The following TUT7 variants were observed in gnomAD, a reference collection of about 807,000 sequenced individuals.
TUT7 encodes the protein terminal uridylyltransferase 7.
Under a neutral mutation model 165.9 loss-of-function variants are expected in TUT7, and 33 were observed. The ratio of observed to expected loss-of-function variants is 0.20; its 90% CI spans 0.15 to 0.27. The LOEUF is 0.27. Ranked by LOEUF, TUT7 falls within the 10% of genes least tolerant of loss-of-function variation. The pLI is 1.00. For missense variants in TUT7, 1,338 were observed against 1,762.3 expected (o/e 0.76, Z 4.31); for synonymous variants, 552 against 608.1 (o/e 0.91, Z 1.36).
rs1373077356 is a variant in TUT7, at chr9:86,352,821, G to T, written c.379C>A (p.Arg127=). Residue 127 remains arginine (R), a synonymous_variant, in exon 2 of 27, where the codon CGA becomes AGA. Transcript: ENST00000375963. ...KPGPRIPVIN[R]QRKDSFQENE... ...TCTTGAAAGGAGTCTTTTCTTTGTCGGTTTATAACAGGAATTCTAGGTCCA... is the reference window on the plus strand; with the variant it reads ...TCTTGAAAGGAGTCTTTTCTTTGTCTGTTTATAACAGGAATTCTAGGTCCA... The T allele has an allele frequency of 4.3e-6, 7 of 1,614,024 alleles. No individual in the cohort carries two copies. The highest frequency in any genetic ancestry group is 1.1e-5 in the South Asian group (1 of 91,074).
At chr9:86,306,055 A>T (rs58009396) in intron 22 of TUT7, among the ~76,000 whole-genome samples, 5,576 of 152,266 alleles carry the variant, frequency 0.037, 340 homozygotes, top group African/African-American at 0.13. Flanking sequence ...ACTGTTTTAT[A>T]AGTGATCTAA....
chr9:86,307,008 G>T (rs528827103), intron 22 of TUT7, among the ~76,000 whole-genome samples: 3 of 152,040 alleles, frequency 2.0e-5, no homozygotes, highest in Admixed American at 2.0e-4. Flanking sequence ...AGTGGCTCAC[G>T]CCTGTAATCC....
chr9:86,337,579 T>C lies in TUT7; in HGVS notation c.1336-41A>G, dbSNP rs746823419. On this transcript the variant is annotated intron_variant, in intron 9 of 26. Transcript: ENST00000375963. ...AAGAAAGTTAAGCATTCTTTTTGTA[T>C]GAATTTGTCATTTACACGATTTGGC... 10 of 1,577,414 alleles carry C rather than the reference T, an allele frequency of 6.3e-6. No homozygotes were observed. In the Admixed American group the frequency reaches 1.6e-4, roughly 25 times the overall value.
At chr9:86,322,238 G>C (rs901640316) in intron 14 of TUT7, 87 bp downstream of exon 14, 1 of 1,256,110 alleles carries the variant, frequency 8.0e-7, no homozygotes, top group East Asian at 2.3e-5. Flanking sequence ...ATAATGTTTA[G>C]AGACCTAAAT....
chr9:86,295,663 T>C (rs971073766), intron 26 of TUT7, among the ~76,000 whole-genome samples: 18 of 152,140 alleles, frequency 1.2e-4, no homozygotes, highest in Admixed American at 2.0e-4. Context: ...CTTATTATCA[T>C]AAAGAACACT....
chr9:86,328,253 T>C (rs1367819604), intron 11 of TUT7, 87 bp downstream of exon 11: 4 of 1,305,572 alleles, frequency 3.1e-6, no homozygotes, highest in South Asian at 4.7e-5. Flanking sequence ...ATAGTAAAGA[T>C]AGTTAAGGAA....
In TUT7 at chr9:86,340,039, T is replaced by C. The variant is rs1160518689; in HGVS notation, c.1205A>G (p.Gln402Arg). Residue 402 changes from glutamine (Q) to arginine (R), a missense_variant, in exon 8 of 27, where the codon CAA (glutamine) becomes CGA (arginine). Coordinates refer to ENST00000375963, the MANE Select transcript of TUT7 (RefSeq NM_024617.4). ...AAACAGTTTAAAGAAATGAGACCTT[T>C]GCTTTTCTCTGCACACCACCACTGG... The part of the protein sequence containing the change: ...RVPVVVCREK[Q>R]SGLLCKVSAG... The C allele has an allele frequency of 3.7e-6, 6 of 1,613,446 alleles. No homozygotes were observed. Among genetic ancestry groups the C allele is most frequent in the Non-Finnish European group, 5.1e-6 (6 of 1,179,520 alleles).
chr9:86,352,217 A>G (rs769838900), intron 2 of TUT7, among the ~76,000 whole-genome samples: 3 of 152,234 alleles, frequency 2.0e-5, no homozygotes, highest in Non-Finnish European at 4.4e-5. Context: ...GGCAGGAGAT[A>G]TACGCAGTGT....
In TUT7 at chr9:86,323,722, C is replaced by T. The variant is rs1587941110; in HGVS notation, c.2028G>A (p.Leu676=). 1.2e-6 allele frequency: 2 copies of T among 1,613,594 alleles called. No homozygotes were observed. The highest frequency in any genetic ancestry group is 1.3e-5 in the African/African-American group (1 of 75,006). ...AACTGGTAGCACCAGGACCTTGGGC[C>T]AAAACTGAGTTTTTGAGCTTATCAT... is the stretch of plus-strand genomic sequence containing the variant. ...TKDDKLKNSV[L]AQGPGATSSA... is the part of the protein sequence containing the mutation. The change falls in exon 13 of 27, where the codon TTG becomes TTA. Residue 676 remains leucine, a synonymous_variant. Coordinates refer to ENST00000375963, the MANE Select transcript of TUT7 (RefSeq NM_024617.4).
chr9:86,335,006 G>A (rs1042455147), intron 10 of TUT7, among the ~76,000 whole-genome samples: 2 of 152,192 alleles, frequency 1.3e-5, no homozygotes, highest in African/African-American at 4.8e-5. Flanking sequence ...ATGTTGCCCA[G>A]AGTTTATAGT....
chr9:86,331,157 C>T lies in TUT7; in HGVS notation c.1456-2665G>A, dbSNP rs143662919. Among the ~76,000 whole-genome samples the T allele has an allele frequency of 4.1e-3, 618 of 152,206 alleles. 4 individuals are homozygous for T. The highest frequency in any genetic ancestry group is 0.017 in the Middle Eastern group (5 of 294). ...TACTATGACTTATTTTAAGAACCAG[C>T]ATAGGCCCTCCTCTGGGAGGCTGAC... On this transcript the variant is annotated intron_variant, in intron 10 of 26. Transcript: ENST00000375963.
rs1010646688 is a variant in TUT7, at chr9:86,301,171, T to C, written c.4420+105A>G. The C allele has an allele frequency of 1.3e-5, 14 of 1,044,000 alleles. No homozygotes were observed. The Admixed American group carries it at 2.2e-4, about 16-fold the overall frequency. The allele number at this position is 1,044,000 out of a possible 1,614,324, so 64.7% of individuals were successfully genotyped here. A position where few individuals can be genotyped will look rare whatever the true frequency, so the allele number is the denominator to read the frequency against. On this transcript the variant is annotated intron_variant, in intron 26 of 26. Coordinates refer to ENST00000375963, the MANE Select transcript of TUT7 (RefSeq NM_024617.4). ...AAAAACAAGATCTTTTTTGAGTAAA[T>C]ATATTGATAAAGAAATAAAGATAAC...
At chr9:86,337,700 T>C (rs1412835918) in intron 9 of TUT7, among the ~76,000 whole-genome samples, 162 bp from the exon 10 acceptor site, 2 of 152,258 alleles carry the variant, frequency 1.3e-5, no homozygotes, top group East Asian at 3.8e-4. Flanking sequence ...CCTTATACTT[T>C]TGCAGCAACC....
At chr9:86,342,157 G>A (rs1831380946) in intron 6 of TUT7, among the ~76,000 whole-genome samples, 1 of 152,014 alleles carries the variant, frequency 6.6e-6, no homozygotes, top group African/African-American at 2.4e-5. Context: ...GAACCTCTGG[G>A]GCCCCAGAAT....
At chr9:86,329,471 C>T (rs537379193) in intron 10 of TUT7, among the ~76,000 whole-genome samples, 33 of 150,862 alleles carry the variant, frequency 2.2e-4, no homozygotes, top group Middle Eastern at 3.4e-3. Context: ...TGCAGTGAGC[C>T]GAGATGGTGC....
intron 10 of TUT7, among the ~76,000 whole-genome samples, chr9:86,330,823 A>G (rs1830247228): frequency 6.6e-6 from 1 of 151,172 alleles, no homozygotes; most frequent in East Asian, 1.9e-4. Context: ...AACTTGCCCT[A>G]TGAACACTAT....
In TUT7 at chr9:86,301,561, T is replaced by C; in HGVS notation, c.4135A>G (p.Arg1379Gly). Residue 1379 changes from arginine to glycine, a missense_variant, in exon 26 of 27, where the codon AGA becomes GGA. By Grantham distance (125) the Arg-to-Gly change is moderately radical. Around this residue, in one of 7 missense-constraint regions of TUT7, gnomAD observed 167 missense variants for 204.9 expected, o/e 0.82. Coordinates refer to ENST00000375963, the MANE Select transcript of TUT7 (RefSeq NM_024617.4). ...CTTTTTTCCTTGTTCTCAGGGTATCTTTGGTTCAGGGCATCTTCCTGATCT... is the reference window on the plus strand; with the variant it reads ...CTTTTTTCCTTGTTCTCAGGGTATCCTTGGTTCAGGGCATCTTCCTGATCT... Reference protein sequence around the residue: ...RRDQEDALNQRYPENKEKRSK... With the variant: ...RRDQEDALNQGYPENKEKRSK... The C allele has an allele frequency of 6.2e-7, 1 of 1,614,026 alleles. No homozygotes were observed. Among genetic ancestry groups the C allele is most frequent in the Non-Finnish European group, 8.5e-7 (1 of 1,180,004 alleles).
At chr9:86,346,615 G>T (rs1206274980) in intron 2 of TUT7, 135 bp from the exon 3 acceptor site, 5 of 859,602 alleles carry the variant, frequency 5.8e-6, no homozygotes, top group Non-Finnish European at 8.9e-6. Flanking sequence ...AAAGGTAGCT[G>T]TCCTATGGAC....
Position 86,319,643 on chromosome 9 carries a change from T to A in TUT7, c.3056A>T (p.Asp1019Val), listed in dbSNP as rs762099737. The A allele has an allele frequency of 1.2e-6, 2 of 1,609,170 alleles. No individual in the cohort carries two copies. The highest frequency in any genetic ancestry group is 2.2e-5 in the East Asian group (1 of 44,716). The change falls in exon 15 of 27, where the codon GAT becomes GTT. Residue 1019 changes from aspartate (D) to valine (V), a missense_variant. By Grantham distance (152) the Asp-to-Val change is radical (BLOSUM62 -3). Around this residue, in one of 7 missense-constraint regions of TUT7, gnomAD observed 425 missense variants for 474.9 expected, o/e 0.89. Coordinates refer to ENST00000375963, the MANE Select transcript of TUT7 (RefSeq NM_024617.4). The stretch of plus-strand genomic sequence containing the variant: ...TTGCCGAATATGTTCACGAGCCTGA[T>A]CTTCTATAATTGTTGGAGAAAAATC... ...YKDFSPTIIE[D>V]QAREHIRQNL...
Sources: allele counts gnomAD v4.1 joint callset (sites outside exome capture counted in the v4.1 genomes callset), GRCh38; gene constraint gnomAD v4.1.1; regional missense constraint gnomAD v4.1.1; transcripts MANE v1.5; gene names NCBI Gene and HGNC (gene_info 2026-07-23, HGNC 2026-07-21).